Variants in WDR81 observed in about 807,000 individuals in gnomAD.
The protein encoded by WDR81 is WD repeat-containing protein 81.
A neutral mutation model predicts 140.8 loss-of-function variants in WDR81; 92 were observed. The ratio of observed to expected loss-of-function variants is 0.65; its 90% CI spans 0.55 to 0.78. The LOEUF (loss-of-function observed/expected upper bound fraction) is 0.78. Among genes scored for constraint, WDR81 ranks in the 30% least tolerant of loss-of-function variants. The pLI is 0.00. For missense variants in WDR81, 2,502 were observed against 2,636.4 expected (o/e 0.95, Z 1.12); for synonymous variants, 1,183 against 1,156.4 (o/e 1.02, Z -0.47).
intron 9 of WDR81, among the ~76,000 whole-genome samples, chr17:1,736,493 G>A (rs897932883): frequency 1.3e-5 from 2 of 152,166 alleles, no homozygotes; most frequent in African/African-American, 2.4e-5. Context: ...TGCTCATGGC[G>A]ATGTTCTAAT....
chr17:1,732,325 GT>G lies in WDR81; in HGVS notation c.4160del (p.Phe1387SerfsTer13), dbSNP rs1904418044. On this transcript the variant is annotated frameshift_variant and splice_region_variant, in exon 5 of 10. Transcript: ENST00000409644. LOFTEE classifies it high-confidence loss of function. ...LSFLTSLVTG[F>X]PSGAQARTIL... ...TGGAGCTCATGAGCTCTGTTTCCAGGTTCCCAAGTGGGGCCCAGGCTCGGAC... is the reference window on the plus strand; with the variant it reads ...TGGAGCTCATGAGCTCTGTTTCCAGGTCCCAAGTGGGGCCCAGGCTCGGAC... 6.2e-7 allele frequency: 1 copy of G among 1,613,114 alleles called. No individual in the cohort carries two copies. Among genetic ancestry groups the G allele is most frequent in the Non-Finnish European group, 8.5e-7 (1 of 1,179,932 alleles).
Position 1,725,485 on chromosome 17 carries a change from T to C in WDR81, c.526T>C (p.Ser176Pro). 1.3e-6 allele frequency: 2 copies of C among 1,548,196 alleles called. No individual in the cohort carries two copies. The change falls in exon 1 of 10, where the codon TCA becomes CCA. Residue 176 changes from serine to proline, a missense_variant. Physicochemically the swap from Ser to Pro is moderately conservative, Grantham distance 74. Around this residue, in one of 3 missense-constraint regions of WDR81, gnomAD observed 547 missense variants for 513.8 expected, o/e 1.06. Transcript: ENST00000409644. ...PAPSAVPALD[S>P]VRQALQRVYG... ...CCCCTCAGCTGTCCCTGCCTTGGAC[T>C]CAGTACGGCAGGCTCTGCAGAGGGT... is the stretch of plus-strand genomic sequence containing the variant.
At chr17:1,737,000 C>T (rs1436072378) in intron 9 of WDR81, among the ~76,000 whole-genome samples, 1 of 152,204 alleles carries the variant, frequency 6.6e-6, no homozygotes, top group Non-Finnish European at 1.5e-5. Context: ...CTGCTGCTTG[C>T]TGGCCCCATG....
Position 1,734,228 on chromosome 17 carries a change from C to T in WDR81, c.5179+12C>T. 6.4e-7 allele frequency: 1 copy of T among 1,556,552 alleles called. No individual in the cohort carries two copies. The highest frequency in any genetic ancestry group is 8.7e-7 in the Non-Finnish European group (1 of 1,155,858). The stretch of plus-strand genomic sequence containing the variant: ...GGACCCCTTCACAGGTGAGCGGGCC[C>T]AGGTGAGGCCTGTTCTCTTCCTGCT... On this transcript the variant is annotated intron_variant, in intron 7 of 9. Coordinates refer to ENST00000409644, the MANE Select transcript of WDR81 (RefSeq NM_001163809.2).
chr17:1,726,440 A>C lies in WDR81; in HGVS notation c.1481A>C (p.Glu494Ala). Residue 494 changes from glutamate to alanine, a missense_variant, in exon 1 of 10, where the codon GAG (glutamate) becomes GCG (alanine). By Grantham distance (107) the Glu-to-Ala change is moderately radical (BLOSUM62 -1). Around this residue, in one of 3 missense-constraint regions of WDR81, gnomAD observed 218 missense variants for 279.6 expected, o/e 0.78. Coordinates refer to ENST00000409644, the MANE Select transcript of WDR81 (RefSeq NM_001163809.2). ...TGGACCCCGGATGAGTGCATTCCGG[A>C]GTTCTACACCGATCCCTCTATCTTC... ...QNWTPDECIPEFYTDPSIFRS... is the reference protein window; with the variant it reads ...QNWTPDECIPAFYTDPSIFRS... 6.5e-7 allele frequency: 1 copy of C among 1,550,284 alleles called. No homozygotes were observed. The highest frequency in any genetic ancestry group is 8.7e-7 in the Non-Finnish European group (1 of 1,146,926).
rs867687376 is a variant in WDR81 at position 1,726,892 on chromosome 17, G to A, written c.1933G>A (p.Ala645Thr). 1.3e-6 allele frequency: 2 copies of A among 1,550,450 alleles called. No homozygotes were observed. The highest frequency in any genetic ancestry group is 3.3e-4 in the Middle Eastern group (2 of 5,992). ...RPVLEATPCE[A>T]SWTRDRPVAG... The stretch of plus-strand genomic sequence containing the variant: ...AGTTTTAGAGGCCACTCCCTGTGAG[G>A]CTAGCTGGACCAGAGACAGGCCGGT... The change falls in exon 1 of 10, where the codon GCT becomes ACT. Residue 645 changes from alanine (A) to threonine (T), a missense_variant. Coordinates refer to ENST00000409644, the MANE Select transcript of WDR81 (RefSeq NM_001163809.2).
At chr17:1,719,559 A>AG (rs1555561238) in intron 1 of WDR81, among the ~76,000 whole-genome samples, 1 of 139,262 alleles carries the variant, frequency 7.2e-6, no homozygotes, top group Non-Finnish European at 1.6e-5. Flanking sequence ...AAAAAAAGAA[A>AG]AAAAAAAAAA....
Position 1,735,597 on chromosome 17 carries a change from G to C in WDR81, c.5205G>C (p.Pro1735=), listed in dbSNP as rs148281999. ...GGAAGACCCTTCGCACAGTGGAGCC[G>C]CTGGACAGCCGGGTGCCCCTGACTG... ...FTGKTLRTVE[P]LDSRVPLTAV... Residue 1735 remains proline (P), a synonymous_variant, in exon 8 of 10, where the codon CCG becomes CCC. Coordinates refer to ENST00000409644, the MANE Select transcript of WDR81 (RefSeq NM_001163809.2). The surrounding 1 kb of genome is among the most constrained non-coding windows in gnomAD (Gnocchi z 4.2). 1.9e-6 allele frequency: 3 copies of C among 1,612,194 alleles called. No individual in the cohort carries two copies. The Admixed American group carries it at 5.0e-5, about 27-fold the overall frequency.
rs1369707743 is a variant in WDR81 at position 1,728,342 on chromosome 17, G to T, written c.3383G>T (p.Gly1128Val). ...GGTGAGGAGCGGGCTCCAGACGAGG[G>T]GGGTGCCCCCGTGGACAAGAGCAGC... ...SLGEERAPDEGGAPVDKSSLR... is the reference protein window; with the variant it reads ...SLGEERAPDEVGAPVDKSSLR... The change falls in exon 1 of 10, where the codon GGG (glycine) becomes GTG (valine). Residue 1128 changes from glycine (G) to valine (V), a missense_variant. Gly to Val is a moderately radical substitution (Grantham distance 109). Transcript: ENST00000409644. 6.2e-7 allele frequency: 1 copy of T among 1,612,920 alleles called. No individual in the cohort carries two copies. Among genetic ancestry groups the T allele is most frequent in the Admixed American group, 1.7e-5 (1 of 60,012 alleles).
chr17:1,733,083 G>A, intron 6 of WDR81: 1 of 515,416 alleles, frequency 1.9e-6, no homozygotes, highest in Non-Finnish European at 3.4e-6. Context: ...TCAGGGAGGT[G>A]GACTGGCGGT....
Position 1,725,534 on chromosome 17 carries a change from TG to T in WDR81, c.578del (p.Gly193ValfsTer61). 1.3e-6 allele frequency: 2 copies of T among 1,545,350 alleles called. No homozygotes were observed. The highest frequency in any genetic ancestry group is 1.7e-6 in the Non-Finnish European group (2 of 1,146,964). On this transcript the variant is annotated frameshift_variant, in exon 1 of 10. Transcript: ENST00000409644. LOFTEE classifies it high-confidence loss of function. ...QRVYGCSFLP[V>X]GETTQCPSYA... ...GTCTATGGTTGCTCCTTCCTGCCAG[TG>T]GGTGAAACTACCCAATGCCCTTCAT... is the stretch of plus-strand genomic sequence containing the variant.
At chr17:1,732,297 G>A (rs1567724668) in intron 4 of WDR81, 28 bp from the exon 5 acceptor site, 4 of 1,607,032 alleles carry the variant, frequency 2.5e-6, no homozygotes, top group African/African-American at 2.7e-5. Context: ...CAGAACGGCG[G>A]GCTGGAGCTC....
At position 1,728,242 on chromosome 17, in the gene WDR81, C is replaced by T. The variant is rs138025488; in HGVS notation, c.3283C>T (p.Pro1095Ser). The T allele has an allele frequency of 6.2e-7, 1 of 1,611,056 alleles. No individual in the cohort carries two copies. Among genetic ancestry groups the T allele is most frequent in the Non-Finnish European group, 8.5e-7 (1 of 1,178,820 alleles). ...FQAGLYVTES[P>S]QPQEAEAVSL... ...AGCCGGGCTCTATGTGACTGAGTCT[C>T]CCCAGCCCCAGGAGGCTGAGGCTGT... The change falls in exon 1 of 10, where the codon CCC (proline) becomes TCC (serine). Residue 1095 changes from proline (P) to serine (S), a missense_variant. Coordinates refer to ENST00000409644, the MANE Select transcript of WDR81 (RefSeq NM_001163809.2).
At chr17:1,730,631 C>G (rs1354780429) in intron 2 of WDR81, 124 bp from the exon 3 acceptor site, 73 of 1,426,374 alleles carry the variant, frequency 5.1e-5, no homozygotes, top group Middle Eastern at 1.8e-4. Flanking sequence ...TAAGTGCCAG[C>G]CTTGGGTAGG....
At chr17:1,732,058 ACCCTGT>A (rs1597298290) in intron 4 of WDR81, among the ~76,000 whole-genome samples, 2 of 152,032 alleles carry the variant, frequency 1.3e-5, no homozygotes, top group South Asian at 4.2e-4. Context: ...ATATGGCAAA[ACCCTGT>A]CTCTACTAAA....
At position 1,725,608 on chromosome 17, in the gene WDR81, A is replaced by T; in HGVS notation, c.649A>T (p.Ser217Cys). The T allele has an allele frequency of 2.6e-6, 4 of 1,545,288 alleles. No individual in the cohort carries two copies. Among genetic ancestry groups the T allele is most frequent in the African/African-American group, 1.4e-5 (1 of 73,122 alleles). ...CCCTCGGGGCAGCCCTGCTTGCCCT[A>T]GTCTTTTACGGGCTGAGGCCTTGCT... ...CPPRGSPACPSLLRAEALLES... is the reference protein window; with the variant it reads ...CPPRGSPACPCLLRAEALLES... Residue 217 changes from serine (S) to cysteine (C), a missense_variant, in exon 1 of 10, where the codon AGT (serine) becomes TGT (cysteine). Physicochemically the swap from Ser to Cys is moderately radical, Grantham distance 112 (BLOSUM62 -1). Coordinates refer to ENST00000409644, the MANE Select transcript of WDR81 (RefSeq NM_001163809.2).
rs537665939 is a variant in WDR81, at chr17:1,733,581, C to T, written c.4544C>T (p.Ala1515Val). ...PNHELVGELA[A>V]LYLESISPSS... ...CACGAGCTGGTTGGGGAGCTGGCGGCGCTGTACTTGGAGAGCATCAGCCCC... is the reference window on the plus strand; with the variant it reads ...CACGAGCTGGTTGGGGAGCTGGCGGTGCTGTACTTGGAGAGCATCAGCCCC... The change falls in exon 7 of 10, where the codon GCG (alanine) becomes GTG (valine). Residue 1515 changes from alanine to valine, a missense_variant. Physicochemically the swap from Ala to Val is moderately conservative, Grantham distance 64. Around this residue, in one of 3 missense-constraint regions of WDR81, gnomAD observed 1,737 missense variants for 1,843.0 expected, o/e 0.94. Transcript: ENST00000409644. 1.1e-5 allele frequency: 17 copies of T among 1,537,994 alleles called. No individual in the cohort carries two copies. The highest frequency in any genetic ancestry group is 6.2e-5 in the Admixed American group (3 of 48,530).
At position 1,730,440 on chromosome 17, in the gene WDR81, G is replaced by A. The variant is rs536440924; in HGVS notation, c.3728G>A (p.Arg1243His). The A allele has an allele frequency of 9.9e-6, 16 of 1,613,238 alleles. No homozygotes were observed. Among genetic ancestry groups the A allele is most frequent in the South Asian group, 4.4e-5 (4 of 91,058 alleles). Residue 1243 changes from arginine to histidine, a missense_variant, in exon 2 of 10, where the codon CGC (arginine) becomes CAC (histidine). Physicochemically the swap from Arg to His is conservative, Grantham distance 29 (BLOSUM62 0). Coordinates refer to ENST00000409644, the MANE Select transcript of WDR81 (RefSeq NM_001163809.2). ...SAKLGPTVAS[R>H]HVARNLLRLL... Reference sequence around the variant, plus strand: ...AAGCTCGGCCCCACAGTGGCCTCTCGCCACGTGGCCCGGAACCTGCTCCGC... The same window carrying A: ...AAGCTCGGCCCCACAGTGGCCTCTCACCACGTGGCCCGGAACCTGCTCCGC...
At chr17:1,734,639 C>A (rs1433950487) in intron 7 of WDR81, among the ~76,000 whole-genome samples, 1 of 151,864 alleles carries the variant, frequency 6.6e-6, no homozygotes, top group Admixed American at 6.6e-5. Flanking sequence ...ATTAGCCGGG[C>A]GTGGTGGCGG....
Sources: allele counts gnomAD v4.1 joint callset (sites outside exome capture counted in the v4.1 genomes callset), GRCh38; gene constraint gnomAD v4.1.1; regional missense constraint gnomAD v4.1.1; non-coding constraint Gnocchi (gnomAD v3.1); transcripts MANE v1.5; gene names NCBI Gene and HGNC (gene_info 2026-07-23, HGNC 2026-07-21).